The following SSPN variants were observed in gnomAD, a reference collection of about 807,000 sequenced individuals.
SSPN encodes the protein sarcospan.
A neutral mutation model predicts 19.1 loss-of-function variants in SSPN; 15 were observed. That is an observed-to-expected ratio of 0.78 (90% CI 0.52 to 1.21). The LOEUF is 1.21. Among genes scored for constraint, SSPN ranks in the 50% most tolerant of loss-of-function variants. The pLI is 0.00. For synonymous variants in SSPN, 147 were observed against 140.3 expected, an observed-to-expected ratio of 1.05 and a Z score of -0.34; for missense variants, 291 against 314.0, an observed-to-expected ratio of 0.93 and a Z score of 0.55.
intron 1 of SSPN, among the ~76,000 whole-genome samples, chr12:26,217,207 G>A (rs1945062958): frequency 8.4e-6 from 1 of 119,040 alleles, no homozygotes; most frequent in Non-Finnish European, 1.7e-5. Flanking sequence ...CTACCCATGA[G>A]CATGGAATGT....
At position 26,232,221 on chromosome 12, in the gene SSPN, A is replaced by G. The variant is rs1420830779; in HGVS notation, c.*1145A>G. ...ATACATAATCCTATTATTAATTCGT[A>G]TGCTTAGTCAACCTAGGAAATCAAA... On this transcript the variant is annotated 3_prime_UTR_variant, in exon 3 of 3. Coordinates refer to ENST00000242729, the MANE Select transcript of SSPN (RefSeq NM_005086.5). The G allele has an allele frequency of 2.0e-6, 2 of 985,480 alleles. No individual in the cohort carries two copies. Among genetic ancestry groups the G allele is most frequent in the Non-Finnish European group, 2.4e-6 (2 of 829,934 alleles). 61.0% of individuals were successfully genotyped at this position (985,480 alleles called of 1,614,324 possible). A position where few individuals can be genotyped will look rare whatever the true frequency, so the allele number is the denominator to read the frequency against.
chr12:26,122,258 C>G, intron 1 of SSPN: 2 of 1,258,140 alleles, frequency 1.6e-6, no homozygotes, highest in Non-Finnish European at 2.0e-6. Flanking sequence ...GAGGGGGCGA[C>G]AACACCGAGG....
chr12:26,229,520 T>G (rs567212010), intron 2 of SSPN, among the ~76,000 whole-genome samples: 2 of 152,376 alleles, frequency 1.3e-5, no homozygotes, highest in East Asian at 1.9e-4. Context: ...ACACATATTT[T>G]GTAGTGTCAC....
Position 26,232,379 on chromosome 12 carries a change from G to A in SSPN, c.*1303G>A. On this transcript the variant is annotated 3_prime_UTR_variant, in exon 3 of 3. Coordinates refer to ENST00000242729, the MANE Select transcript of SSPN (RefSeq NM_005086.5). ...GGGGAGACTTCTCTCTGTGATTATTGTTGCTATTAAATTCTGAACTGTATC... is the reference window on the plus strand; with the variant it reads ...GGGGAGACTTCTCTCTGTGATTATTATTGCTATTAAATTCTGAACTGTATC... The A allele has an allele frequency of 1.0e-6, 1 of 985,356 alleles. No homozygotes were observed. The highest frequency in any genetic ancestry group is 1.2e-6 in the Non-Finnish European group (1 of 829,908). The allele number at this position is 985,356 out of a possible 1,614,324, so 61.0% of individuals were successfully genotyped here.
intron 1 of SSPN, among the ~76,000 whole-genome samples, chr12:26,173,216 G>A (rs924286990): frequency 2.0e-5 from 3 of 152,206 alleles, no homozygotes; most frequent in Admixed American, 2.0e-4. Flanking sequence ...CATTCTAGGA[G>A]TGTCTGTGTG....
intron 1 of SSPN, among the ~76,000 whole-genome samples, chr12:26,209,469 A>G (rs1944962112): frequency 6.6e-6 from 1 of 151,852 alleles, no homozygotes; most frequent in South Asian, 2.1e-4. Context: ...TATCCTGTCT[A>G]GTATGTTTCA....
intron 1 of SSPN, among the ~76,000 whole-genome samples, chr12:26,132,662 G>A (rs913557671): frequency 6.6e-5 from 10 of 152,238 alleles, no homozygotes; most frequent in East Asian, 5.8e-4. Context: ...TGATGGTGGG[G>A]ATGCCTGTTC....
At chr12:26,203,070 A>G (rs189073400) in intron 1 of SSPN, among the ~76,000 whole-genome samples, 2 of 152,208 alleles carry the variant, frequency 1.3e-5, no homozygotes, top group East Asian at 1.9e-4. Flanking sequence ...AGAACTCACT[A>G]TCTCATCTTC....
At chr12:26,217,900 T>A (rs1345675856) in intron 1 of SSPN, among the ~76,000 whole-genome samples, 1 of 152,162 alleles carries the variant, frequency 6.6e-6, no homozygotes. Flanking sequence ...ATTGTGGAAG[T>A]CAGTATGGCG....
chr12:26,130,814 C>A (rs1464450503), intron 1 of SSPN, among the ~76,000 whole-genome samples: 1 of 152,170 alleles, frequency 6.6e-6, no homozygotes, highest in Non-Finnish European at 1.5e-5. Flanking sequence ...TGCAAGATCA[C>A]CCCATGGTCA....
chr12:26,177,323 G>T (rs535017700), intron 1 of SSPN, among the ~76,000 whole-genome samples: 3 of 152,086 alleles, frequency 2.0e-5, no homozygotes, highest in Admixed American at 6.5e-5. Context: ...TGAAACCCTC[G>T]GACATGGTGC....
intron 1 of SSPN, among the ~76,000 whole-genome samples, chr12:26,143,253 G>A (rs1944470904): frequency 6.6e-6 from 1 of 152,170 alleles, no homozygotes; most frequent in African/African-American, 2.4e-5. Flanking sequence ...GATGATGGTA[G>A]TGTATCATCT....
At chr12:26,153,952 T>C (rs1944541584) in intron 1 of SSPN, among the ~76,000 whole-genome samples, 1 of 152,238 alleles carries the variant, frequency 6.6e-6, no homozygotes, top group African/African-American at 2.4e-5. Context: ...CCAGTGCCTC[T>C]GAACATTTGT....
chr12:26,229,332 C>T (rs566518456), intron 2 of SSPN, among the ~76,000 whole-genome samples: 9 of 152,242 alleles, frequency 5.9e-5, no homozygotes, highest in Non-Finnish European at 7.4e-5. Flanking sequence ...TACAGGCAAA[C>T]CAGAGATAAG....
intron 1 of SSPN, among the ~76,000 whole-genome samples, chr12:26,209,149 G>C (rs1380956751): frequency 6.6e-6 from 1 of 152,030 alleles, no homozygotes; most frequent in East Asian, 1.9e-4. Context: ...TTCTATACAT[G>C]ACCAAAGATG....
In SSPN at chr12:26,137,077, G is replaced by A. The variant is rs528614068; in HGVS notation, c.-31+14925G>A. 9.5e-4 allele frequency among the ~76,000 whole-genome samples: 145 copies of A among 152,300 alleles called. 1 individual carries two copies. Among genetic ancestry groups the A allele is most frequent in the Middle Eastern group, 6.8e-3 (2 of 294 alleles). ...AAGACTTTTATGGCAGTTACTCTGT[G>A]CCATGCTCTCTTTTACTGTTTTGCA... On this transcript the variant is annotated intron_variant, in intron 1 of 2. Coordinates refer to the SSPN transcript ENST00000538142.
chr12:26,173,791 A>G (rs1944667038), intron 1 of SSPN, among the ~76,000 whole-genome samples: 1 of 152,220 alleles, frequency 6.6e-6, no homozygotes, highest in Admixed American at 6.5e-5. Context: ...ATTAAAATAT[A>G]TTGCCCTTAC....
chr12:26,201,019 A>AT (rs1174369541), intron 1 of SSPN, among the ~76,000 whole-genome samples: 1 of 44,810 alleles, frequency 2.2e-5, no homozygotes, highest in East Asian at 8.6e-4. Context: ...GTGTATATAT[A>AT]TATATATATA....
intron 1 of SSPN, among the ~76,000 whole-genome samples, chr12:26,151,820 G>T (rs950512139): frequency 1.3e-5 from 2 of 152,110 alleles, no homozygotes; most frequent in African/African-American, 4.8e-5. Flanking sequence ...TCCATACCTG[G>T]TCTAATCTTC....
Sources: gnomAD v4.1 joint callset for allele counts (sites outside exome capture counted in the v4.1 genomes callset) on GRCh38, gnomAD v4.1.1 for gene constraint, MANE v1.5 for transcripts, NCBI Gene and HGNC (gene_info 2026-07-23, HGNC 2026-07-21) for gene names.